The following FAM107A variants were observed in gnomAD, a reference collection of about 807,000 sequenced individuals.
FAM107A encodes actin-associated protein FAM107A.
Under a neutral mutation model 13.7 loss-of-function variants are expected in FAM107A, and 19 were observed. The ratio of observed to expected loss-of-function variants is 1.38; its 90% CI spans 0.97 to 2.03. FAM107A has a LOEUF of 2.03. FAM107A is among the 30% of genes most tolerant of loss of function. The pLI is 0.00. For missense variants in FAM107A, 203 were observed against 184.4 expected (o/e 1.10, Z -0.58); for synonymous variants, 82 against 74.5 (o/e 1.10, Z -0.52).
rs770400859 is a variant in FAM107A at position 58,569,824 on chromosome 3, C to G, written c.37G>C (p.Gly13Arg). ...SEIQRERADIGGLMARPEYRE... is the reference protein window; with the variant it reads ...SEIQRERADIRGLMARPEYRE... The stretch of plus-strand genomic sequence containing the variant: ...TATTCTGGCCGGGCCATCAGGCCCC[C>G]AATGTCTGCCCGCTCCCTCTGGATC... Residue 13 changes from glycine (G) to arginine (R), a missense_variant, in exon 2 of 4, where the codon GGG (glycine) becomes CGG (arginine). By Grantham distance (125) the Gly-to-Arg change is moderately radical (BLOSUM62 -2). Coordinates refer to ENST00000360997, the MANE Select transcript of FAM107A (RefSeq NM_001076778.3). The surrounding 1 kb of genome is among the most constrained non-coding windows in gnomAD (Gnocchi z 5.7). 2 of 1,614,060 alleles carry G rather than the reference C, an allele frequency of 1.2e-6. No individual in the cohort carries two copies. The highest frequency in any genetic ancestry group is 1.3e-5 in the African/African-American group (1 of 74,932).
At chr3:58,610,008 T>C (rs2065837821) in intron 1 of FAM107A, among the ~76,000 whole-genome samples, 1 of 152,242 alleles carries the variant, frequency 6.6e-6, no homozygotes, top group Admixed American at 6.5e-5. Flanking sequence ...CAGCACATCA[T>C]GATCATTACT....
intron 1 of FAM107A, chr3:58,607,035 C>T (rs1023240625): frequency 1.6e-4 from 24 of 152,198 alleles, no homozygotes; most frequent in Non-Finnish European, 5.9e-5. Flanking sequence ...TAGACTTTCA[C>T]GTACAAGAGC....
chr3:58,577,646 C>T (rs1004965511), upstream of FAM107A: 1 of 985,200 alleles, frequency 1.0e-6, no homozygotes, highest in Non-Finnish European at 1.2e-6. This position sits in a 1 kb window ranked among gnomAD's most constrained non-coding sequence, Gnocchi z 4.9. Flanking sequence ...ACACGCCAAG[C>T]TTTGTTCTGA....
At chr3:58,576,003 G>A (rs1388665167) in intron 1 of FAM107A, among the ~76,000 whole-genome samples, 2 of 152,216 alleles carry the variant, frequency 1.3e-5, no homozygotes, top group Non-Finnish European at 2.9e-5. Context: ...TCAAAATAAC[G>A]ACTGGCAAAG....
At chr3:58,585,820 C>A (rs914413513) in intron 1 of FAM107A, among the ~76,000 whole-genome samples, 1 of 152,132 alleles carries the variant, frequency 6.6e-6, no homozygotes, top group African/African-American at 2.4e-5. Context: ...CTCTTTTTTT[C>A]CCCCCTACAT....
intron 1 of FAM107A, among the ~76,000 whole-genome samples, chr3:58,594,372 C>A (rs933887760): frequency 1.6e-4 from 25 of 152,284 alleles, no homozygotes; most frequent in African/African-American, 5.8e-4. Context: ...TTCTCATACA[C>A]CATGAAAATC....
At chr3:58,575,484 AG>A (rs2063723051) in intron 1 of FAM107A, among the ~76,000 whole-genome samples, 1 of 150,248 alleles carries the variant, frequency 6.7e-6, no homozygotes, top group South Asian at 2.2e-4. Context: ...CCTGTTTTAT[AG>A]ATGAGAAAAC....
intron 1 of FAM107A, among the ~76,000 whole-genome samples, chr3:58,606,388 G>T (rs994099296): frequency 6.6e-6 from 1 of 152,216 alleles, no homozygotes; most frequent in Non-Finnish European, 1.5e-5. Flanking sequence ...GAGCCACCAT[G>T]CCCGGCCTAT....
upstream of FAM107A, among the ~76,000 whole-genome samples, chr3:58,591,526 TGA>T (rs1286541396): frequency 6.6e-6 from 1 of 152,176 alleles, no homozygotes; most frequent in Admixed American, 6.5e-5. This position sits in a 1 kb window ranked among gnomAD's most constrained non-coding sequence, Gnocchi z 4.3. Flanking sequence ...CTCCAACCAC[TGA>T]GAACTCTCTG....
chr3:58,579,894 A>G (rs999098426), upstream of FAM107A, among the ~76,000 whole-genome samples: 2 of 152,224 alleles, frequency 1.3e-5, no homozygotes, highest in African/African-American at 4.8e-5. Flanking sequence ...CTTGTATACA[A>G]ACCCATCAGA....
intron 1 of FAM107A, among the ~76,000 whole-genome samples, chr3:58,626,583 T>G (rs1221171295): frequency 6.6e-6 from 1 of 152,208 alleles, no homozygotes; most frequent in African/African-American, 2.4e-5. Context: ...GCCCTACAAC[T>G]GGTAACAGCT....
chr3:58,585,054 G>C (rs571095832), intron 1 of FAM107A, among the ~76,000 whole-genome samples: 1 of 152,332 alleles, frequency 6.6e-6, no homozygotes, highest in South Asian at 2.1e-4. Flanking sequence ...AGGAGCCAGG[G>C]ATATTAAGTG....
intron 1 of FAM107A, among the ~76,000 whole-genome samples, chr3:58,618,271 C>T (rs1388193599): frequency 6.6e-6 from 1 of 152,138 alleles, no homozygotes; most frequent in African/African-American, 2.4e-5. Context: ...CTTGTCTGAG[C>T]CCTTCATGGC....
intron 1 of FAM107A, among the ~76,000 whole-genome samples, chr3:58,583,695 G>C (rs577055989): frequency 6.6e-5 from 10 of 150,962 alleles, no homozygotes; most frequent in Admixed American, 3.3e-4. Context: ...TTTTTTTTTG[G>C]GGGGGGACAC....
chr3:58,614,858 T>C (rs2065886842), intron 1 of FAM107A, among the ~76,000 whole-genome samples: 2 of 151,588 alleles, frequency 1.3e-5, no homozygotes, highest in Non-Finnish European at 2.9e-5. Flanking sequence ...GCTGGTGGAG[T>C]GCAATGGCAC....
chr3:58,591,803 G>T (rs1201106174), upstream of FAM107A, among the ~76,000 whole-genome samples: 2 of 152,180 alleles, frequency 1.3e-5, no homozygotes, highest in Non-Finnish European at 2.9e-5. This position sits in a 1 kb window ranked among gnomAD's most constrained non-coding sequence, Gnocchi z 4.3. Context: ...GAGGGATTGG[G>T]TTCTATTCAC....
chr3:58,599,182 TC>T (rs1306739947), intron 1 of FAM107A, among the ~76,000 whole-genome samples: 2 of 152,182 alleles, frequency 1.3e-5, no homozygotes, highest in African/African-American at 4.8e-5. Context: ...CCTCAAATCA[TC>T]CGCCTGCCTC....
At position 58,564,709 on chromosome 3, in the gene FAM107A, G is replaced by A. The variant is rs1166298155; in HGVS notation, c.*1879C>T. 4 of 152,414 alleles carry A rather than the reference G, an allele frequency of 2.6e-5. No homozygotes were observed. Among genetic ancestry groups the A allele is most frequent in the African/African-American group, 9.6e-5 (4 of 41,594 alleles). 9.4% of individuals were successfully genotyped at this position (152,414 alleles called of 1,614,324 possible). ...TCTTCACATGTCTGAACAACACATG[G>A]ACCCGAGGGCTGCTTCTTTGGGGAA... On this transcript the variant is annotated 3_prime_UTR_variant, in exon 4 of 4. Transcript: ENST00000360997. This position sits in a 1 kb window ranked among gnomAD's most constrained non-coding sequence, Gnocchi z 5.6.
intron 1 of FAM107A, among the ~76,000 whole-genome samples, chr3:58,594,255 A>G (rs2065680237): frequency 6.6e-6 from 1 of 152,164 alleles, no homozygotes; most frequent in South Asian, 2.1e-4. Flanking sequence ...ATTTCATTCC[A>G]TCCTTGGCTA....
Sources: gnomAD v4.1 joint callset for allele counts (sites outside exome capture counted in the v4.1 genomes callset) on GRCh38, gnomAD v4.1.1 for gene constraint, Gnocchi (gnomAD v3.1) non-coding constraint, MANE v1.5 for transcripts, NCBI Gene and HGNC (gene_info 2026-07-23, HGNC 2026-07-21) for gene names.